HDAC9: variants seen among roughly 807,000 people sequenced by gnomAD.
The protein encoded by HDAC9 is histone deacetylase 9.
In HDAC9, 41 loss-of-function variants were observed where a neutral mutation model predicts 139.4. The observed-to-expected ratio is 0.29, with a 90% CI of 0.23 to 0.38. HDAC9 has a LOEUF of 0.38. Ranked by LOEUF, HDAC9 falls within the 10% of genes least tolerant of loss-of-function variation. The pLI is 1.00. For synonymous variants in HDAC9, 517 were observed against 476.2 expected, an observed-to-expected ratio of 1.09 and a Z score of -1.12; for missense variants, 1,147 against 1,297.0, an observed-to-expected ratio of 0.88 and a Z score of 1.78.
chr7:18,484,778 A>G (rs112545459), intron 1 of HDAC9, among the ~76,000 whole-genome samples: 2,057 of 152,092 alleles, frequency 0.014, 48 homozygotes, highest in African/African-American at 0.046. Flanking sequence ...GCTTGAGCCT[A>G]GGAGTTTGAG....
At chr7:18,568,416 A>G (rs1823176834) in intron 2 of HDAC9, among the ~76,000 whole-genome samples, 1 of 152,220 alleles carries the variant, frequency 6.6e-6, no homozygotes, top group African/African-American at 2.4e-5. Flanking sequence ...GGATAATAGT[A>G]AAGCTGTGTA....
chr7:18,980,447 G>A (rs1784830154), intron 25 of HDAC9, among the ~76,000 whole-genome samples: 1 of 152,122 alleles, frequency 6.6e-6, no homozygotes, highest in South Asian at 2.1e-4. Context: ...GTTTGCTCAA[G>A]GGCAAGTTAC....
intron 1 of HDAC9, among the ~76,000 whole-genome samples, chr7:18,400,623 GA>G (rs1174458049): frequency 6.6e-6 from 1 of 152,182 alleles, no homozygotes; most frequent in Non-Finnish European, 1.5e-5. Context: ...AGCAGATGCT[GA>G]AAAGTGGCAC....
intron 7 of HDAC9, 85 bp from the exon 8 acceptor site, chr7:18,634,542 A>T (rs1350073353): frequency 1.3e-6 from 1 of 793,872 alleles, no homozygotes; most frequent in East Asian, 2.8e-5. Context: ...GGAAAATAAC[A>T]TGCCCAATGT....
intron 14 of HDAC9, among the ~76,000 whole-genome samples, chr7:18,750,364 A>G (rs1161416218): frequency 6.6e-6 from 1 of 152,030 alleles, no homozygotes; most frequent in East Asian, 1.9e-4. Flanking sequence ...TGTCTTATGG[A>G]TCGCTCAGTA....
chr7:18,377,918 A>C (rs1310289306), intron 1 of HDAC9, among the ~76,000 whole-genome samples: 1 of 152,236 alleles, frequency 6.6e-6, no homozygotes, highest in African/African-American at 2.4e-5. Flanking sequence ...GTAGGGAACA[A>C]GAAAATGGTT....
At chr7:18,429,146 C>T (rs979470130) in intron 1 of HDAC9, 8 of 152,184 alleles carry the variant, frequency 5.3e-5, no homozygotes, top group African/African-American at 1.7e-4. Flanking sequence ...CGATCTCCCC[C>T]ATTAGAACAT....
intron 13 of HDAC9, among the ~76,000 whole-genome samples, chr7:18,729,116 G>A (rs984724209): frequency 6.6e-6 from 1 of 152,112 alleles, no homozygotes; most frequent in African/African-American, 2.4e-5. Context: ...ACATGATACA[G>A]AGGAATAATT....
chr7:18,162,366 C>T (rs1006429037), intron 2 of HDAC9: 27 of 1,532,778 alleles, frequency 1.8e-5, no homozygotes, highest in Middle Eastern at 1.7e-4. Flanking sequence ...CTGGTTGCTT[C>T]TTAAACTGTT....
chr7:18,901,227 C>T (rs894953125), intron 22 of HDAC9, among the ~76,000 whole-genome samples: 10 of 147,958 alleles, frequency 6.8e-5, no homozygotes, highest in South Asian at 4.2e-4. Context: ...TATATACACA[C>T]ACACACACAC....
intron 11 of HDAC9, among the ~76,000 whole-genome samples, chr7:18,652,522 C>T (rs539147275): frequency 6.6e-6 from 1 of 151,830 alleles, no homozygotes; most frequent in African/African-American, 2.4e-5. Flanking sequence ...AGTCACTTCA[C>T]TATTTGAATG....
intron 1 of HDAC9, among the ~76,000 whole-genome samples, chr7:18,299,004 TG>T (rs373470343): frequency 6.6e-5 from 10 of 152,290 alleles, no homozygotes; most frequent in African/African-American, 2.4e-4. Context: ...AAACTTATTT[TG>T]GAGCCCAACT....
chr7:18,108,729 C>G (rs1347841066), intron 1 of HDAC9, among the ~76,000 whole-genome samples: 1 of 148,686 alleles, frequency 6.7e-6, no homozygotes, highest in Non-Finnish European at 1.5e-5. Context: ...TCAAGCGATT[C>G]TCCTGCCTCA....
In HDAC9 at chr7:18,634,726, C is replaced by T; in HGVS notation, c.896C>T (p.Pro299Leu). Residue 299 changes from proline to leucine, a missense_variant, in exon 8 of 26, where the codon CCT becomes CTT. Pro to Leu is a moderately conservative substitution (Grantham distance 98). This residue lies in a region of HDAC9 where 264 missense variants were observed against 273.8 expected (regional missense o/e 0.96). Coordinates refer to ENST00000686413, the MANE Select transcript of HDAC9 (RefSeq NM_178425.4). ...VTENETSVLP[P>L]TPHAEQMVSQ... ...GAAAATGAGACTTCGGTTTTGCCCC[C>T]TACCCCTCATGCCGAGGTAAGACCC... 6.3e-7 allele frequency: 1 copy of T among 1,593,786 alleles called. No homozygotes were observed. Among genetic ancestry groups the T allele is most frequent in the Admixed American group, 1.7e-5 (1 of 57,918 alleles).
intron 25 of HDAC9, among the ~76,000 whole-genome samples, chr7:18,993,904 C>CA (rs374357710): frequency 2.8e-4 from 43 of 151,150 alleles, no homozygotes; most frequent in Admixed American, 7.2e-4. Context: ...TGGTTTATTC[C>CA]AAAAAAAAGA....
intron 1 of HDAC9, among the ~76,000 whole-genome samples, chr7:18,145,386 A>G (rs887699492): frequency 3.3e-5 from 5 of 152,182 alleles, no homozygotes; most frequent in African/African-American, 9.7e-5. Context: ...TTTCAAGTTG[A>G]CTGAGCTGGT....
chr7:18,914,855 G>T (rs1011684332), intron 22 of HDAC9, among the ~76,000 whole-genome samples: 2 of 152,058 alleles, frequency 1.3e-5, no homozygotes, highest in African/African-American at 4.8e-5. Flanking sequence ...TTACACTATA[G>T]AATTGGTATA....
intron 18 of HDAC9, 23 bp downstream of exon 18, chr7:18,829,239 C>A (rs1413903349): frequency 6.3e-7 from 1 of 1,584,298 alleles, no homozygotes; most frequent in Non-Finnish European, 8.7e-7. Flanking sequence ...GACTGTTGCC[C>A]ATCTCCAAGC....
intron 1 of HDAC9, among the ~76,000 whole-genome samples, chr7:18,404,067 A>G (rs954997022): frequency 2.6e-5 from 4 of 152,234 alleles, no homozygotes; most frequent in Non-Finnish European, 4.4e-5. Flanking sequence ...GCCAATGCAG[A>G]AAAGAAAAGG....
Sources: allele counts gnomAD v4.1 joint callset (sites outside exome capture counted in the v4.1 genomes callset), GRCh38; gene constraint gnomAD v4.1.1; regional missense constraint gnomAD v4.1.1; transcripts MANE v1.5; gene names NCBI Gene and HGNC (gene_info 2026-07-23, HGNC 2026-07-21).